DNAJC13: variants seen among roughly 807,000 people sequenced by gnomAD.
DNAJC13 encodes DnaJ heat shock protein family (Hsp40) member C13.
DNAJC13 carries 75 observed loss-of-function variants against 290.5 expected under a neutral mutation model. That is an observed-to-expected ratio of 0.26 (90% confidence interval 0.21 to 0.31). DNAJC13 has a LOEUF of 0.31. Ranked by LOEUF, DNAJC13 falls within the 10% of genes least tolerant of loss-of-function variation. The probability of loss-of-function intolerance (pLI) is 1.00; values close to 1 mark genes in which losing one functional copy is unlikely to be tolerated. For synonymous variants in DNAJC13, 862 were observed against 892.0 expected (o/e 0.97, Z 0.60); for missense variants, 2,260 against 2,674.5 (o/e 0.85, Z 3.42).
At chr3:132,503,130 C>A (rs1935474411) in intron 40 of DNAJC13, 84 bp from the exon 41 acceptor site, 3 of 1,411,668 alleles carry the variant, frequency 2.1e-6, no homozygotes. Flanking sequence ...AAATATGTTC[C>A]ATATAGTGTG....
intron 44 of DNAJC13, among the ~76,000 whole-genome samples, chr3:132,512,704 T>C (rs1258432439): frequency 6.6e-6 from 1 of 152,206 alleles, no homozygotes; most frequent in African/African-American, 2.4e-5. Flanking sequence ...GTGAAATTAC[T>C]ACCTTACACT....
chr3:132,420,027 A>G (rs964997324), intron 1 of DNAJC13, among the ~76,000 whole-genome samples: 1 of 152,230 alleles, frequency 6.6e-6, no homozygotes, highest in Non-Finnish European at 1.5e-5. Flanking sequence ...TTTGAAATCT[A>G]TTAAAGAGCT....
intron 26 of DNAJC13, 79 bp downstream of exon 26, chr3:132,480,549 G>A: frequency 9.4e-7 from 1 of 1,061,156 alleles, no homozygotes; most frequent in Non-Finnish European, 1.4e-6. Context: ...ATAGAAATCT[G>A]AAAAGATGTG....
Position 132,526,294 on chromosome 3 carries a change from C to T in DNAJC13, c.6381+13C>T. On this transcript the variant is annotated intron_variant, in intron 53 of 55. Transcript: ENST00000260818. ...ATTAGTAGCACAAGTAAGTGACTTTCTAGATTTAGCACTATTTTAGGAAAG... is the reference window on the plus strand; with the variant it reads ...ATTAGTAGCACAAGTAAGTGACTTTTTAGATTTAGCACTATTTTAGGAAAG... 1 of 1,613,460 alleles carries T rather than the reference C, an allele frequency of 6.2e-7. No homozygotes were observed. Among genetic ancestry groups the T allele is most frequent in the Non-Finnish European group, 8.5e-7 (1 of 1,179,664 alleles).
chr3:132,494,312 T>C (rs1432461670), intron 34 of DNAJC13, 53 bp downstream of exon 34: 6 of 1,266,626 alleles, frequency 4.7e-6, no homozygotes, highest in Non-Finnish European at 6.9e-6. Context: ...AAAGTACCAG[T>C]ATCAAAGACT....
rs76200974 is a variant in DNAJC13, at chr3:132,473,455, T to C, written c.2291+228T>C. On this transcript the variant is annotated intron_variant, in intron 21 of 55. Transcript: ENST00000260818. ...AACTAAAATTACATTAAAGACTTTA[T>C]TAAGGCTTAGAGATGCTTATTTTAA... Among the ~76,000 whole-genome samples, 155 of 152,330 alleles carry C rather than the reference T, an allele frequency of 1.0e-3. 2 individuals carry two copies. In the East Asian group the frequency reaches 0.026, roughly 25 times the overall value.
At chr3:132,442,258 A>G (rs376427716) in intron 2 of DNAJC13, among the ~76,000 whole-genome samples, 90 of 152,062 alleles carry the variant, frequency 5.9e-4, no homozygotes, top group African/African-American at 2.1e-3. Context: ...CGGCCTCTCG[A>G]TGTGCTGAGA....
chr3:132,437,563 A>G (rs772775120), intron 2 of DNAJC13, among the ~76,000 whole-genome samples: 4 of 152,192 alleles, frequency 2.6e-5, no homozygotes, highest in Non-Finnish European at 5.9e-5. Context: ...TCATTTGTTG[A>G]AAAAACTGTT....
At chr3:132,482,099 A>C (rs1461705755) in intron 26 of DNAJC13, 127 bp from the exon 27 acceptor site, 3 of 628,848 alleles carry the variant, frequency 4.8e-6, no homozygotes, top group East Asian at 6.0e-5. Flanking sequence ...AAGGTCACTT[A>C]AACTTTCAGG....
At chr3:132,451,582 A>T (rs557912489) in intron 6 of DNAJC13, among the ~76,000 whole-genome samples, 99 of 152,218 alleles carry the variant, frequency 6.5e-4, no homozygotes, top group African/African-American at 2.3e-3. Context: ...TGTCTCAAAG[A>T]TGTGCGGTAG....
At chr3:132,454,202 C>G (rs544590152) in intron 9 of DNAJC13, 45 bp downstream of exon 9, 10 of 1,374,956 alleles carry the variant, frequency 7.3e-6, no homozygotes, top group Non-Finnish European at 9.1e-6. Context: ...TTGTGCAAGG[C>G]AAAGTGCTTG....
intron 37 of DNAJC13, 91 bp downstream of exon 37, chr3:132,499,401 ATTC>A: frequency 3.6e-6 from 4 of 1,102,790 alleles, no homozygotes; most frequent in Non-Finnish European, 5.1e-6. Context: ...ACAAATGCAG[ATTC>A]TTTAATTTAT....
intron 12 of DNAJC13, 25 bp downstream of exon 12, chr3:132,456,857 T>G: frequency 6.2e-7 from 1 of 1,608,336 alleles, no homozygotes. Context: ...GAAACTTAAC[T>G]TCTCTTAGAG....
rs1413836291 is a variant in DNAJC13 at position 132,480,427 on chromosome 3, C to T, written c.2831C>T (p.Thr944Ile). ...ATAAGAATCCTTGTGGACTTGCTTA[C>T]CCTTGCACATCTCCATGTAAGCCGA... ...NGIRILVDLL[T>I]LAHLHVSRAT... is the part of the protein sequence containing the mutation. The change falls in exon 26 of 56, where the codon ACC becomes ATC. Residue 944 changes from threonine to isoleucine, a missense_variant. By Grantham distance (89) the Thr-to-Ile change is moderately conservative (BLOSUM62 -1). This residue lies in a region of DNAJC13 where 1,494 missense variants were observed against 1,693.7 expected (regional missense o/e 0.88). Coordinates refer to ENST00000260818, the MANE Select transcript of DNAJC13 (RefSeq NM_015268.4). 1.9e-6 allele frequency: 3 copies of T among 1,613,580 alleles called. No individual in the cohort carries two copies. Among genetic ancestry groups the T allele is most frequent in the Non-Finnish European group, 2.5e-6 (3 of 1,179,668 alleles).
chr3:132,467,376 C>T, intron 20 of DNAJC13, 63 bp downstream of exon 20: 1 of 1,549,400 alleles, frequency 6.5e-7, no homozygotes. Context: ...ACTTTAGTTC[C>T]TGCTGTTCAC....
chr3:132,516,522 T>C, intron 47 of DNAJC13, 26 bp downstream of exon 47: 3 of 1,607,400 alleles, frequency 1.9e-6, no homozygotes, highest in Non-Finnish European at 2.6e-6. Context: ...CTTTCTTAGC[T>C]AGTCATGTGC....
intron 1 of DNAJC13, among the ~76,000 whole-genome samples, chr3:132,418,108 C>T (rs929696810): frequency 2.6e-5 from 4 of 152,166 alleles, no homozygotes; most frequent in Non-Finnish European, 5.9e-5. Context: ...CCCTTCCAGT[C>T]TCCTAGTCTG....
At chr3:132,523,951 A>G (rs879775220) in intron 51 of DNAJC13, 8 of 391,138 alleles carry the variant, frequency 2.0e-5, no homozygotes, top group Non-Finnish European at 3.6e-5. Flanking sequence ...AGAGGATGCT[A>G]TTTCTAACAG....
At position 132,447,431 on chromosome 3, in the gene DNAJC13, T is replaced by G; in HGVS notation, c.255T>G (p.Phe85Leu). 6.2e-7 allele frequency: 1 copy of G among 1,609,268 alleles called. No homozygotes were observed. Among genetic ancestry groups the G allele is most frequent in the Non-Finnish European group, 8.5e-7 (1 of 1,178,060 alleles). Residue 85 changes from phenylalanine (F) to leucine (L), a missense_variant, in exon 4 of 56, where the codon TTT (phenylalanine) becomes TTG (leucine). Physicochemically the swap from Phe to Leu is conservative, Grantham distance 22. Coordinates refer to ENST00000260818, the MANE Select transcript of DNAJC13 (RefSeq NM_015268.4). ...GAAAAAAGTCAGAAACTTTAAAATT[T>G]TCTACAGAGCACAGAACAGAACTTC... ...GSGKKSETLK[F>L]STEHRTELLT... is the part of the protein sequence containing the mutation.
Sources: allele counts gnomAD v4.1 joint callset (sites outside exome capture counted in the v4.1 genomes callset), GRCh38; gene constraint gnomAD v4.1.1; regional missense constraint gnomAD v4.1.1; transcripts MANE v1.5; gene names NCBI Gene and HGNC (gene_info 2026-07-23, HGNC 2026-07-21).